The following MAGI2 variants were observed in gnomAD, a reference collection of about 807,000 sequenced individuals.
The protein encoded by MAGI2 is membrane-associated guanylate kinase, WW and PDZ domain-containing protein 2.
Under a neutral mutation model 133.3 loss-of-function variants are expected in MAGI2, and 35 were observed. The observed-to-expected ratio is 0.26, with a 90% CI of 0.20 to 0.35. The LOEUF (loss-of-function observed/expected upper bound fraction) is 0.35. Ranked by LOEUF, MAGI2 falls within the 10% of genes least tolerant of loss-of-function variation. MAGI2 has a pLI of 1.00. For missense variants in MAGI2, 1,636 were observed against 1,863.4 expected (o/e 0.88, Z 2.25); for synonymous variants, 729 against 710.6 (o/e 1.03, Z -0.41).
intron 3 of MAGI2, among the ~76,000 whole-genome samples, chr7:78,569,728 CA>C (rs1252349127): frequency 1.3e-5 from 2 of 152,110 alleles, no homozygotes; most frequent in Non-Finnish European, 2.9e-5. Flanking sequence ...CACATTTTCA[CA>C]AAGGAAACAC....
At chr7:79,214,428 T>TAC (rs1829818284) in intron 1 of MAGI2, among the ~76,000 whole-genome samples, 2 of 127,374 alleles carry the variant, frequency 1.6e-5, no homozygotes, top group Non-Finnish European at 3.3e-5. Flanking sequence ...TATATATATA[T>TAC]ATATATATAT....
intron 2 of MAGI2, among the ~76,000 whole-genome samples, chr7:78,803,447 T>A (rs574826361): frequency 6.6e-6 from 1 of 152,284 alleles, no homozygotes; most frequent in African/African-American, 2.4e-5. Flanking sequence ...GAAACATCAG[T>A]GCATTAAGGT....
At chr7:78,495,503 A>G (rs1011511969) in intron 5 of MAGI2, among the ~76,000 whole-genome samples, 2 of 152,206 alleles carry the variant, frequency 1.3e-5, no homozygotes, top group Non-Finnish European at 2.9e-5. Flanking sequence ...TTCCTTCTAT[A>G]TCATCATTTC....
intron 2 of MAGI2, among the ~76,000 whole-genome samples, chr7:78,709,290 C>G (rs1044892926): frequency 6.6e-6 from 1 of 151,902 alleles, no homozygotes; most frequent in African/African-American, 2.4e-5. Context: ...ACCCCCACCC[C>G]CACTCCACAC....
chr7:78,676,737 A>T (rs321971), intron 2 of MAGI2, among the ~76,000 whole-genome samples: 19,624 of 152,046 alleles, frequency 0.13, 1,542 homozygotes, highest in East Asian at 0.4. Flanking sequence ...CATACCTAGT[A>T]TCTTTAAAGA....
intron 1 of MAGI2, among the ~76,000 whole-genome samples, chr7:79,296,562 G>T (rs1180443792): frequency 6.6e-6 from 1 of 152,168 alleles, no homozygotes; most frequent in Non-Finnish European, 1.5e-5. Context: ...AGGACATTAT[G>T]TTAAGTAAAA....
intron 13 of MAGI2, among the ~76,000 whole-genome samples, chr7:78,183,823 T>G (rs947706752): frequency 6.6e-6 from 1 of 152,226 alleles, no homozygotes; most frequent in Non-Finnish European, 1.5e-5. Flanking sequence ...CCACCTTGGC[T>G]TCCCAAATGC....
At chr7:78,984,802 T>C (rs562271469) in intron 2 of MAGI2, among the ~76,000 whole-genome samples, 1 of 152,170 alleles carries the variant, frequency 6.6e-6, no homozygotes, top group East Asian at 1.9e-4. Context: ...TTTTTCTGTT[T>C]ATTGTCTATC....
rs1235609676 is a variant in MAGI2, at chr7:79,118,064, G to A, written c.302-110858C>T. Reference sequence around the variant, plus strand: ...GGAACTTAGCTTTATTAAATGCGATGCAAGTCCATACAATGAAATAAAGTA... The same window carrying A: ...GGAACTTAGCTTTATTAAATGCGATACAAGTCCATACAATGAAATAAAGTA... On this transcript the variant is annotated intron_variant, in intron 1 of 21. Coordinates refer to ENST00000354212, the MANE Select transcript of MAGI2 (RefSeq NM_012301.4). 2.0e-5 allele frequency among the ~76,000 whole-genome samples: 3 copies of A among 152,148 alleles called. No individual in the cohort carries two copies. In the South Asian group the frequency reaches 6.2e-4, roughly 31 times the overall value.
intron 21 of MAGI2, among the ~76,000 whole-genome samples, chr7:78,061,762 AAG>A (rs1263151974): frequency 7.2e-5 from 11 of 151,992 alleles, no homozygotes; most frequent in Admixed American, 3.9e-4. Flanking sequence ...TATGGGTGGA[AAG>A]AGAGTTGAAG....
At chr7:79,179,284 A>G (rs1016689305) in intron 1 of MAGI2, among the ~76,000 whole-genome samples, 9 of 152,018 alleles carry the variant, frequency 5.9e-5, no homozygotes, top group Non-Finnish European at 1.2e-4. Flanking sequence ...AAACAATTCT[A>G]TATACTCTGT....
intron 3 of MAGI2, among the ~76,000 whole-genome samples, chr7:78,570,833 T>G (rs972549058): frequency 6.6e-6 from 1 of 152,188 alleles, no homozygotes; most frequent in Non-Finnish European, 1.5e-5. Context: ...TGAGTTCATT[T>G]TTCCATTGTT....
chr7:78,747,548 G>C (rs1823041438), intron 2 of MAGI2, among the ~76,000 whole-genome samples: 1 of 152,068 alleles, frequency 6.6e-6, no homozygotes, highest in Non-Finnish European at 1.5e-5. Flanking sequence ...AATAAAGGAA[G>C]TTAAGGGATA....
chr7:79,016,473 G>T (rs1448966804), intron 1 of MAGI2, among the ~76,000 whole-genome samples: 1 of 152,028 alleles, frequency 6.6e-6, no homozygotes, highest in Non-Finnish European at 1.5e-5. Context: ...GCTCCAGTAG[G>T]GTGCCCCAAT....
intron 3 of MAGI2, chr7:78,567,971 C>A (rs1278159776): frequency 2.0e-5 from 3 of 152,192 alleles, no homozygotes; most frequent in Non-Finnish European, 4.4e-5. Flanking sequence ...ATTGCAAATC[C>A]AGGGGTCCTT....
At chr7:78,402,867 G>A (rs995376215) in intron 6 of MAGI2, among the ~76,000 whole-genome samples, 11 of 151,998 alleles carry the variant, frequency 7.2e-5, no homozygotes, top group Non-Finnish European at 1.3e-4. Flanking sequence ...ATGCAAATAT[G>A]TAATATATGA....
intron 21 of MAGI2, among the ~76,000 whole-genome samples, chr7:78,027,348 C>T (rs528313700): frequency 1.3e-5 from 2 of 152,246 alleles, no homozygotes; most frequent in East Asian, 1.9e-4. Context: ...GACCTGCAGG[C>T]CAGGCGCGGT....
At chr7:78,269,453 C>A (rs1392661532) in intron 9 of MAGI2, among the ~76,000 whole-genome samples, 1 of 152,168 alleles carries the variant, frequency 6.6e-6, no homozygotes, top group Non-Finnish European at 1.5e-5. Flanking sequence ...CTGTTGTTTA[C>A]TAACTTTTTA....
At chr7:79,243,941 C>T (rs1251123417) in intron 1 of MAGI2, among the ~76,000 whole-genome samples, 1 of 152,126 alleles carries the variant, frequency 6.6e-6, no homozygotes, top group Non-Finnish European at 1.5e-5. Flanking sequence ...TTTCCTTTAT[C>T]CCTGTCATAG....
Sources: gnomAD v4.1 joint callset for allele counts (sites outside exome capture counted in the v4.1 genomes callset) on GRCh38, gnomAD v4.1.1 for gene constraint, MANE v1.5 for transcripts, NCBI Gene and HGNC (gene_info 2026-07-23, HGNC 2026-07-21) for gene names.